TM2D3: variants seen among roughly 807,000 people sequenced by gnomAD.
TM2D3 encodes the protein TM2 domain-containing protein 3.
A neutral mutation model predicts 27.3 loss-of-function variants in TM2D3; 33 were observed. That is an observed-to-expected ratio of 1.21 (90% CI 0.92 to 1.61). The LOEUF (loss-of-function observed/expected upper bound fraction) is 1.61. TM2D3 is among the 40% of genes most tolerant of loss of function. The pLI, the probability that TM2D3 is intolerant of heterozygous loss-of-function variation, is 0.00. For missense variants in TM2D3, 364 were observed against 320.8 expected (o/e 1.13, Z -1.03); for synonymous variants, 138 against 122.2 (o/e 1.13, Z -0.85).
At chr15:101,650,195 T>C in intron 2 of TM2D3, 34 bp from the exon 3 acceptor site, 2 of 1,589,990 alleles carry the variant, frequency 1.3e-6, no homozygotes, top group Non-Finnish European at 1.7e-6. Context: ...TATTCTCCTA[T>C]AATACTGATT....
chr15:101,647,076 T>C (rs1896833828), intron 3 of TM2D3, among the ~76,000 whole-genome samples, 177 bp from the exon 4 acceptor site: 1 of 152,214 alleles, frequency 6.6e-6, no homozygotes, highest in African/African-American at 2.4e-5. Flanking sequence ...ATGCCTATGA[T>C]GTGACCTCAT....
At chr15:101,639,371 T>A (rs1195738462), downstream of TM2D3, among the ~76,000 whole-genome samples, 1 of 109,784 alleles carries the variant, frequency 9.1e-6, no homozygotes, top group African/African-American at 3.7e-5. Context: ...GCCTCCATTT[T>A]TCCTGGGTGT....
At chr15:101,635,031 A>T (rs1190993239) in intron 4 of TM2D3, 2 of 152,158 alleles carry the variant, frequency 1.3e-5, no homozygotes, top group Non-Finnish European at 2.9e-5. Flanking sequence ...ATGGTGATGC[A>T]GACCTGTGGT....
At chr15:101,641,353 C>T (rs1281113713), downstream of TM2D3, among the ~76,000 whole-genome samples, 1 of 152,186 alleles carries the variant, frequency 6.6e-6, no homozygotes, top group Non-Finnish European at 1.5e-5. Flanking sequence ...GATGCGCCAC[C>T]TAGCGACGAG....
intron 1 of TM2D3, chr15:101,652,013 G>T: frequency 1.7e-6 from 1 of 583,500 alleles, no homozygotes; most frequent in Non-Finnish European, 3.0e-6. Flanking sequence ...CGCCTCCCCG[G>T]CCCAGCCCCC....
intron 3 of TM2D3, 38 bp from the exon 4 acceptor site, chr15:101,646,937 G>A (rs757233606): frequency 2.1e-5 from 34 of 1,610,270 alleles, no homozygotes; most frequent in Admixed American, 3.3e-5. Context: ...CAATCACAAT[G>A]GTGTAGTCTG....
chr15:101,634,764 G>A (rs1896520026), intron 4 of TM2D3: 1 of 152,180 alleles, frequency 6.6e-6, no homozygotes. Context: ...GTGAAAACCA[G>A]CTACAAACTA....
chr15:101,633,881 T>A (rs1896500042), intron 4 of TM2D3: 1 of 564,868 alleles, frequency 1.8e-6, no homozygotes, highest in African/African-American at 1.9e-5. Flanking sequence ...GGTGCCAGCG[T>A]TGAGAAGACT....
In TM2D3 at chr15:101,642,404, A is replaced by T. The variant is rs1264770959; in HGVS notation, c.*75T>A. ...TACATTAAAAACATAGAAATATATC[A>T]CTCACACCACATCAACTCCTACGGA... On this transcript the variant is annotated 3_prime_UTR_variant, in exon 6 of 6. Coordinates refer to ENST00000333202, the MANE Select transcript of TM2D3 (RefSeq NM_078474.3). 1 of 1,467,178 alleles carries T rather than the reference A, an allele frequency of 6.8e-7. No homozygotes were observed. The highest frequency in any genetic ancestry group is 1.4e-5 in the African/African-American group (1 of 70,292). The allele number at this position is 1,467,178 out of a possible 1,614,324, so 90.9% of individuals were successfully genotyped here. A position where few individuals can be genotyped will look rare whatever the true frequency, so the allele number is the denominator to read the frequency against.
At chr15:101,642,867 T>TA (rs1293217159) in intron 5 of TM2D3, among the ~76,000 whole-genome samples, 4 of 152,202 alleles carry the variant, frequency 2.6e-5, no homozygotes, top group Non-Finnish European at 5.9e-5. Context: ...TTAGCTGTAC[T>TA]AAAAAACCAA....
chr15:101,644,073 T>C (rs1163610863), intron 5 of TM2D3, among the ~76,000 whole-genome samples: 1 of 152,168 alleles, frequency 6.6e-6, no homozygotes, highest in Admixed American at 6.5e-5. Flanking sequence ...CTTGAACTCC[T>C]GACCTCAAGC....
At chr15:101,641,477 C>G (rs773255966), downstream of TM2D3, among the ~76,000 whole-genome samples, 1 of 152,156 alleles carries the variant, frequency 6.6e-6, no homozygotes, top group Non-Finnish European at 1.5e-5. Flanking sequence ...ATGAAATATG[C>G]AGATATTTTA....
In TM2D3 at chr15:101,642,201, G is replaced by A. The variant is rs958045882; in HGVS notation, c.*278C>T. 1 of 1,093,012 alleles carries A rather than the reference G, an allele frequency of 9.1e-7. No individual in the cohort carries two copies. The highest frequency in any genetic ancestry group is 1.1e-6 in the Non-Finnish European group (1 of 899,984). 67.7% of individuals were successfully genotyped at this position (1,093,012 alleles called of 1,614,324 possible). A position where few individuals can be genotyped will look rare whatever the true frequency, so the allele number is the denominator to read the frequency against. Reference sequence around the variant, plus strand: ...TTGACTTGGGCAATACAAAACAAAAGTCATAGGAATTAAATGGATTTTCAA... The same window carrying A: ...TTGACTTGGGCAATACAAAACAAAAATCATAGGAATTAAATGGATTTTCAA... On this transcript the variant is annotated 3_prime_UTR_variant, in exon 6 of 6. Transcript: ENST00000333202.
chr15:101,650,996 G>T (rs948612026), intron 2 of TM2D3: 1 of 152,324 alleles, frequency 6.6e-6, no homozygotes, highest in African/African-American at 2.4e-5. Context: ...TCAATTCACT[G>T]AAGTAATGTC....
intron 1 of TM2D3, 164 bp from the exon 2 acceptor site, chr15:101,651,937 C>A (rs1241790036): frequency 7.1e-6 from 5 of 702,840 alleles, no homozygotes; most frequent in Non-Finnish European, 1.2e-5. Flanking sequence ...GAAACGTCAA[C>A]AGAGTAGACA....
intron 3 of TM2D3, among the ~76,000 whole-genome samples, chr15:101,647,591 T>C (rs1033452852): frequency 7.2e-5 from 11 of 152,230 alleles, no homozygotes. Context: ...ATTTCAATTT[T>C]AAAAGCCATT....
downstream of TM2D3, among the ~76,000 whole-genome samples, chr15:101,639,840 AC>A (rs1282966623): frequency 6.6e-6 from 1 of 152,192 alleles, no homozygotes; most frequent in African/African-American, 2.4e-5. Context: ...CCTTGAGGAC[AC>A]CCGTGGCATT....
chr15:101,633,782 A>G (rs892530569), intron 4 of TM2D3: 10 of 1,437,784 alleles, frequency 7.0e-6, no homozygotes, highest in Non-Finnish European at 9.4e-6. Flanking sequence ...TTCTTATGAC[A>G]TAATATCCAA....
chr15:101,638,316 C>CA (rs1349221096), downstream of TM2D3, among the ~76,000 whole-genome samples: 2 of 150,098 alleles, frequency 1.3e-5, no homozygotes, highest in Non-Finnish European at 3.0e-5. Flanking sequence ...TTTTTGGAGA[C>CA]AGAGTTTCGC....
Sources: allele counts gnomAD v4.1 joint callset (sites outside exome capture counted in the v4.1 genomes callset), GRCh38; gene constraint gnomAD v4.1.1; transcripts MANE v1.5; gene names NCBI Gene and HGNC (gene_info 2026-07-23, HGNC 2026-07-21).